Variants in IL31RA observed in about 807,000 individuals in gnomAD.
IL31RA encodes interleukin 31 receptor A.
In IL31RA, 66 loss-of-function variants were observed where a neutral mutation model predicts 83.7. The observed-to-expected ratio is 0.79, with a 90% CI of 0.65 to 0.97. The LOEUF is 0.97. IL31RA is among the 50% of genes least tolerant of loss of function. The probability of loss-of-function intolerance (pLI) is 0.00; values close to 1 mark genes in which losing one functional copy is unlikely to be tolerated. For synonymous variants in IL31RA, 325 were observed against 329.0 expected, an observed-to-expected ratio of 0.99 and a Z score of 0.13; for missense variants, 798 against 919.4, an observed-to-expected ratio of 0.87 and a Z score of 1.71.
rs557468226 is a variant in IL31RA at position 55,863,921 on chromosome 5, G to A, written c.154+4322G>A. 6.8e-5 allele frequency among the ~76,000 whole-genome samples: 9 copies of A among 132,188 alleles called. No homozygotes were observed. In the South Asian group the frequency reaches 2.0e-3, roughly 29 times the overall value. The allele number at this position is 132,188 out of a possible 152,430, so 86.7% of individuals were successfully genotyped here. On this transcript the variant is annotated intron_variant, in intron 2 of 14. Coordinates refer to ENST00000652347, the MANE Select transcript of IL31RA (RefSeq NM_139017.7). ...TAGGAGAGGTATTTAAGGAAGAACA[G>A]GAAAGAGCAGGATTCACTTAGGTTT... is the stretch of plus-strand genomic sequence containing the variant.
chr5:55,904,544 C>G (rs975064754), intron 8 of IL31RA, among the ~76,000 whole-genome samples: 1 of 152,196 alleles, frequency 6.6e-6, no homozygotes, highest in Non-Finnish European at 1.5e-5. Flanking sequence ...GGCCTCTGCT[C>G]CTTCTGTGGC....
chr5:55,879,532 A>G (rs766668892), intron 4 of IL31RA, among the ~76,000 whole-genome samples: 4 of 140,574 alleles, frequency 2.8e-5, no homozygotes, highest in Non-Finnish European at 6.0e-5. Context: ...TCCCAGGTTC[A>G]AGCGATTCTC....
chr5:55,855,693 T>C (rs1187691167), intron 1 of IL31RA, among the ~76,000 whole-genome samples: 1 of 152,098 alleles, frequency 6.6e-6, no homozygotes, highest in East Asian at 1.9e-4. Context: ...TGAGACAGGA[T>C]GTGGGGAGGC....
At chr5:55,878,190 AT>A (rs1244696766) in intron 4 of IL31RA, among the ~76,000 whole-genome samples, 2 of 152,186 alleles carry the variant, frequency 1.3e-5, no homozygotes, top group South Asian at 2.1e-4. Context: ...TTTTAAAAAA[AT>A]AATTTATATA....
rs117845884 is a variant in IL31RA at position 55,920,257 on chromosome 5, C to T, written c.*3137C>T. On this transcript the variant is annotated 3_prime_UTR_variant, in exon 15 of 15. Transcript: ENST00000652347. Reference sequence around the variant, plus strand: ...TGTGTGCGAGGAAAGCCTGTGCTGGCCTGTCCACCCCAGTCTGATTCTGTC... The same window carrying T: ...TGTGTGCGAGGAAAGCCTGTGCTGGTCTGTCCACCCCAGTCTGATTCTGTC... Among the ~76,000 whole-genome samples, 12 of 152,342 alleles carry T rather than the reference C, an allele frequency of 7.9e-5. No individual in the cohort carries two copies. In the East Asian group the frequency reaches 2.3e-3, roughly 29 times the overall value.
chr5:55,891,556 C>G (rs1003655630), intron 6 of IL31RA, among the ~76,000 whole-genome samples: 7 of 151,982 alleles, frequency 4.6e-5, no homozygotes, highest in African/African-American at 1.5e-4. Flanking sequence ...CAATACTTAT[C>G]CCCCCATCAT....
At position 55,910,522 on chromosome 5, in the gene IL31RA, T is replaced by C. The variant is rs749455289; in HGVS notation, c.1502-10T>C. The C allele has an allele frequency of 6.2e-7, 1 of 1,614,130 alleles. No individual in the cohort carries two copies. The highest frequency in any genetic ancestry group is 8.5e-7 in the Non-Finnish European group (1 of 1,179,992). On this transcript the variant is annotated splice_polypyrimidine_tract_variant and intron_variant, in intron 11 of 14. Coordinates refer to ENST00000652347, the MANE Select transcript of IL31RA (RefSeq NM_139017.7). ...GGCTGTGGTGTTTGACCTTTGTATT[T>C]TTCCTTTAGCCAAGACAGTCAATTC... is the stretch of plus-strand genomic sequence containing the variant.
chr5:55,916,387 A>AG (rs1749780750), intron 14 of IL31RA, among the ~76,000 whole-genome samples: 1 of 151,554 alleles, frequency 6.6e-6, no homozygotes, highest in South Asian at 2.1e-4. Flanking sequence ...TCTCAAAAAA[A>AG]AAAAAATTAT....
At chr5:55,841,331 T>C in the IL31RA span, among the ~76,000 whole-genome samples, 1 of 152,360 alleles carries the variant, frequency 6.6e-6, no homozygotes, top group African/African-American at 2.4e-5. Context: ...TTCCATTTTA[T>C]TTTCATCTCC....
At chr5:55,898,694 A>G in intron 7 of IL31RA, among the ~76,000 whole-genome samples, 1 of 150,896 alleles carries the variant, frequency 6.6e-6, no homozygotes, top group South Asian at 2.1e-4. Flanking sequence ...TTTAAATAAC[A>G]TATTAATATG....
Position 55,916,923 on chromosome 5 carries a change from T to C in IL31RA, c.2098T>C (p.Ser700Pro). ...PVSPEIPPRK[S>P]QYLRSRMPEG... is the part of the protein sequence containing the mutation. ...TTCACCTGAGATTCCGCCCAGAAAATCCCAATACCTACGTTCGAGGATGCC... is the reference window on the plus strand; with the variant it reads ...TTCACCTGAGATTCCGCCCAGAAAACCCCAATACCTACGTTCGAGGATGCC... The change falls in exon 15 of 15, where the codon TCC becomes CCC. Residue 700 changes from serine (S) to proline (P), a missense_variant. Coordinates refer to ENST00000652347, the MANE Select transcript of IL31RA (RefSeq NM_139017.7). 1 of 1,613,868 alleles carries C rather than the reference T, an allele frequency of 6.2e-7. No homozygotes were observed. The highest frequency in any genetic ancestry group is 1.3e-5 in the African/African-American group (1 of 74,970).
intron 12 of IL31RA, among the ~76,000 whole-genome samples, chr5:55,912,661 G>A (rs1042150566): frequency 2.0e-5 from 3 of 152,166 alleles, no homozygotes; most frequent in Non-Finnish European, 4.4e-5. Flanking sequence ...GCCGGGCTTG[G>A]TGGCACGTGC....
intron 3 of IL31RA, among the ~76,000 whole-genome samples, chr5:55,870,495 A>C (rs1336103849): frequency 6.6e-6 from 1 of 152,208 alleles, no homozygotes; most frequent in African/African-American, 2.4e-5. Context: ...TAGAATGAGA[A>C]TCTGGGCACC....
upstream of IL31RA, among the ~76,000 whole-genome samples, chr5:55,850,700 C>G (rs920892150): frequency 6.6e-6 from 1 of 152,154 alleles, no homozygotes; most frequent in South Asian, 2.1e-4. Context: ...AGATTTTCAA[C>G]CAATCTTATG....
chr5:55,846,344 A>G, the IL31RA span, among the ~76,000 whole-genome samples: 1 of 152,178 alleles, frequency 6.6e-6, no homozygotes, highest in Admixed American at 6.5e-5. Context: ...TAACTTTTAT[A>G]TTCTGATGCG....
At chr5:55,845,958 TCA>T in the IL31RA span, among the ~76,000 whole-genome samples, 1 of 152,196 alleles carries the variant, frequency 6.6e-6, no homozygotes, top group African/African-American at 2.4e-5. Flanking sequence ...TAGGTAAAAC[TCA>T]CAAAGTATGA....
chr5:55,922,383 A>ATT lies in IL31RA; in HGVS notation c.*5265_*5266dup, dbSNP rs1561133732. 1 of 1,549,794 alleles carries ATT rather than the reference A, an allele frequency of 6.5e-7. No homozygotes were observed. The highest frequency in any genetic ancestry group is 8.7e-7 in the Non-Finnish European group (1 of 1,145,818). On this transcript the variant is annotated 3_prime_UTR_variant, in exon 15 of 15. Coordinates refer to ENST00000652347, the MANE Select transcript of IL31RA (RefSeq NM_139017.7). Reference sequence around the variant, plus strand: ...GGGAAGTGAGATACTTGTACTATGCATTTCATTTTTAGGACTAGAATTCTG... The same window carrying ATT: ...GGGAAGTGAGATACTTGTACTATGCATTTTTCATTTTTAGGACTAGAATTCTG...
Position 55,896,432 on chromosome 5 carries a change from G to A in IL31RA, c.852+3G>A. 1 of 1,604,534 alleles carries A rather than the reference G, an allele frequency of 6.2e-7. No homozygotes were observed. The highest frequency in any genetic ancestry group is 1.1e-5 in the South Asian group (1 of 90,872). On this transcript the variant is annotated splice_donor_region_variant and intron_variant, in intron 7 of 14. Transcript: ENST00000652347. ...GGCCAGTGCGGTTGTTATGGAAGGT[G>A]ACCTCCCTCTGGATTCTTTTTCTCT...
At chr5:55,882,490 G>C (rs1260164304) in intron 4 of IL31RA, among the ~76,000 whole-genome samples, 1 of 152,200 alleles carries the variant, frequency 6.6e-6, no homozygotes, top group East Asian at 1.9e-4. Context: ...ATCTCTGGTT[G>C]ATGGGATAAT....
Sources: allele counts gnomAD v4.1 joint callset (sites outside exome capture counted in the v4.1 genomes callset), GRCh38; gene constraint gnomAD v4.1.1; transcripts MANE v1.5; gene names NCBI Gene and HGNC (gene_info 2026-07-23, HGNC 2026-07-21).